Variants in NFATC1 observed in about 807,000 individuals in gnomAD.
NFATC1 encodes the protein nuclear factor of activated T cells 1.
A neutral mutation model predicts 76.0 loss-of-function variants in NFATC1; 22 were observed. That is an observed-to-expected ratio of 0.29 (90% CI 0.21 to 0.41). The LOEUF (loss-of-function observed/expected upper bound fraction) is 0.41, where lower values mean the gene tolerates loss of function less well. Ranked by LOEUF, NFATC1 falls within the 10% of genes least tolerant of loss-of-function variation. The probability of loss-of-function intolerance (pLI) is 1.00; values close to 1 mark genes in which losing one functional copy is unlikely to be tolerated. For missense variants in NFATC1, 1,357 were observed against 1,337.7 expected (o/e 1.01, Z -0.23); for synonymous variants, 704 against 613.1 (o/e 1.15, Z -2.19).
intron 1 of NFATC1, among the ~76,000 whole-genome samples, chr18:79,408,953 TC>T (rs2085538580): frequency 7.5e-6 from 1 of 133,078 alleles, no homozygotes; most frequent in Non-Finnish European, 1.6e-5. Context: ...TCATTCATCA[TC>T]CATCCATCCA....
At position 79,411,080 on chromosome 18, in the gene NFATC1, A is replaced by G. The variant is rs1200559391; in HGVS notation, c.805A>G (p.Ser269Gly). The G allele has an allele frequency of 3.1e-6, 5 of 1,611,898 alleles. No individual in the cohort carries two copies. The African/African-American group carries it at 4.0e-5, about 13-fold the overall frequency. The stretch of plus-strand genomic sequence containing the variant: ...GTCCCCTTGCAACAAGAGGAAGTAC[A>G]GCCTCAACGGCCGGCAGCCGCCCTA... ...PASPCNKRKY[S>G]LNGRQPPYSP... The change falls in exon 2 of 10, where the codon AGC (serine) becomes GGC (glycine). Residue 269 changes from serine to glycine, a missense_variant. Transcript: ENST00000427363.
At chr18:79,418,382 A>G (rs761172696) in intron 2 of NFATC1, among the ~76,000 whole-genome samples, 20 of 152,108 alleles carry the variant, frequency 1.3e-4, no homozygotes, top group Non-Finnish European at 2.9e-4. Flanking sequence ...CCCGCAACCT[A>G]CACTCCAGAC....
rs2090816713 is a variant in NFATC1 at position 79,528,137 on chromosome 18, C to G, written c.*560C>G. 2.5e-6 allele frequency: 1 copy of G among 395,462 alleles called. No individual in the cohort carries two copies. The highest frequency in any genetic ancestry group is 4.3e-5 in the Admixed American group (1 of 22,998). 24.5% of individuals were successfully genotyped at this position (395,462 alleles called of 1,614,324 possible). On this transcript the variant is annotated 3_prime_UTR_variant, in exon 10 of 10. Coordinates refer to ENST00000427363, the MANE Select transcript of NFATC1 (RefSeq NM_001278669.2). ...CGTTTCCTGGGCTGTCACGTACACT[C>G]CTGCTGCCTTACACAGTGCATTTTA...
chr18:79,519,163 C>T (rs770447900), intron 9 of NFATC1, among the ~76,000 whole-genome samples: 8 of 152,230 alleles, frequency 5.3e-5, no homozygotes, highest in African/African-American at 1.4e-4. Context: ...CACAGATCTC[C>T]GAACCATGGT....
chr18:79,396,099 T>TCCGGGGCGCGCGGCGCTGAGC lies in NFATC1; in HGVS notation c.-117_-97dup. ...CGCACACGCCCCTCGATGACTTTCC[T>TCCGGGGCGCGCGGCGCTGAGC]CCGGGGCGCGCGGCGCTGAGCCCGG... On this transcript the variant is annotated 5_prime_UTR_variant, in exon 1 of 10. Transcript: ENST00000427363. 4.4e-6 allele frequency: 5 copies of TCCGGGGCGCGCGGCGCTGAGC among 1,144,310 alleles called. No individual in the cohort carries two copies. The highest frequency in any genetic ancestry group is 5.4e-6 in the Non-Finnish European group (5 of 918,568). The allele number at this position is 1,144,310 out of a possible 1,614,324, so 70.9% of individuals were successfully genotyped here. A position where few individuals can be genotyped will look rare whatever the true frequency, so the allele number is the denominator to read the frequency against.
At chr18:79,517,222 T>G (rs1285152987) in intron 9 of NFATC1, among the ~76,000 whole-genome samples, 1 of 152,252 alleles carries the variant, frequency 6.6e-6, no homozygotes, top group East Asian at 1.9e-4. Flanking sequence ...ATTACCCTCT[T>G]AGGTTACAAG....
chr18:79,495,647 G>A (rs1401115514), intron 9 of NFATC1, among the ~76,000 whole-genome samples: 1 of 152,250 alleles, frequency 6.6e-6, no homozygotes, highest in Non-Finnish European at 1.5e-5. Context: ...CACGGCCAGT[G>A]GCAGCAAAGA....
At chr18:79,462,136 A>G (rs1224379000) in intron 7 of NFATC1, among the ~76,000 whole-genome samples, 1 of 152,000 alleles carries the variant, frequency 6.6e-6, no homozygotes, top group East Asian at 1.9e-4. Context: ...TTTTGTGTGG[A>G]TGGCTGTAGC....
intron 2 of NFATC1, among the ~76,000 whole-genome samples, chr18:79,424,733 CTCTG>C (rs1568943389): frequency 2.0e-5 from 3 of 151,760 alleles, no homozygotes; most frequent in Admixed American, 6.6e-5. Flanking sequence ...CTCTCTCCGT[CTCTG>C]TCTGTGTCTG....
At chr18:79,496,689 C>G (rs1396177150) in intron 9 of NFATC1, 1 of 152,306 alleles carries the variant, frequency 6.6e-6, no homozygotes, top group Non-Finnish European at 1.5e-5. Context: ...TGCTGAGAGA[C>G]TCACTCCTGA....
intron 9 of NFATC1, among the ~76,000 whole-genome samples, chr18:79,498,507 GAATC>G (rs1451081253): frequency 1.3e-5 from 2 of 151,788 alleles, no homozygotes; most frequent in Non-Finnish European, 2.9e-5. Context: ...AAAGAAGAAA[GAATC>G]AATAAAAATG....
Position 79,486,343 on chromosome 18 carries a change from T to C in NFATC1, c.2188T>C (p.Tyr730His). 24 of 1,613,140 alleles carry C rather than the reference T, an allele frequency of 1.5e-5. No homozygotes were observed. The highest frequency in any genetic ancestry group is 2.0e-5 in the Non-Finnish European group (24 of 1,180,008). ...QGLSPLPRPY[Y>H]SQQLAMPPDP... ...GTTAAGTCCTCTCCCAAGACCATAC[T>C]ACAGCCAGCAGCTCGCGATGCCACC... Residue 730 changes from tyrosine (Y) to histidine (H), a missense_variant, in exon 9 of 10, where the codon TAC becomes CAC. Transcript: ENST00000427363.
intron 1 of NFATC1, among the ~76,000 whole-genome samples, chr18:79,401,353 T>C (rs2085248061): frequency 6.6e-6 from 1 of 152,204 alleles, no homozygotes; most frequent in South Asian, 2.1e-4. Context: ...TTCACTACTC[T>C]CTTTTAAAAA....
At chr18:79,476,710 G>A (rs1450429688) in intron 8 of NFATC1, among the ~76,000 whole-genome samples, 1 of 152,196 alleles carries the variant, frequency 6.6e-6, no homozygotes, top group African/African-American at 2.4e-5. Context: ...ACACAGGATG[G>A]GTGTGGGGGC....
intron 8 of NFATC1, among the ~76,000 whole-genome samples, chr18:79,472,449 T>G (rs2088826182): frequency 6.6e-6 from 1 of 152,226 alleles, no homozygotes; most frequent in Non-Finnish European, 1.5e-5. Flanking sequence ...CCCAGGGGTT[T>G]CCCATTCTGC....
chr18:79,440,968 G>C (rs2086951928), intron 3 of NFATC1, among the ~76,000 whole-genome samples: 2 of 152,206 alleles, frequency 1.3e-5, no homozygotes, highest in Non-Finnish European at 2.9e-5. Flanking sequence ...GGCTGGGCTC[G>C]TGTCCGTGGA....
intron 9 of NFATC1, among the ~76,000 whole-genome samples, chr18:79,503,454 T>C (rs577068698): frequency 6.6e-6 from 1 of 152,194 alleles, no homozygotes; most frequent in Non-Finnish European, 1.5e-5. Context: ...GCAGTAATAT[T>C]ATTAAAGGGC....
chr18:79,525,657 C>T (rs1351445990), intron 9 of NFATC1, among the ~76,000 whole-genome samples: 1 of 152,178 alleles, frequency 6.6e-6, no homozygotes, highest in Non-Finnish European at 1.5e-5. Flanking sequence ...ATCATTTAGG[C>T]CTCTTTCGTC....
rs1285391176 is a variant in NFATC1 at position 79,524,373 on chromosome 18, T to G, written c.2783-3155T>G. ...GTGTGGATGGGTGGGCGGTACAGCCTCCTCTGCGGTTCGGTTGCTGTGCTG... is the reference window on the plus strand; with the variant it reads ...GTGTGGATGGGTGGGCGGTACAGCCGCCTCTGCGGTTCGGTTGCTGTGCTG... On this transcript the variant is annotated intron_variant, in intron 9 of 9. Transcript: ENST00000427363. This position sits in a 1 kb window ranked among gnomAD's most constrained non-coding sequence, Gnocchi z 7.2. 6.6e-6 allele frequency among the ~76,000 whole-genome samples: 1 copy of G among 152,196 alleles called. No homozygotes were observed. Among genetic ancestry groups the G allele is most frequent in the East Asian group, 1.9e-4 (1 of 5,192 alleles).
Sources: gnomAD v4.1 joint callset for allele counts (sites outside exome capture counted in the v4.1 genomes callset) on GRCh38, gnomAD v4.1.1 for gene constraint, Gnocchi (gnomAD v3.1) non-coding constraint, MANE v1.5 for transcripts, NCBI Gene and HGNC (gene_info 2026-07-23, HGNC 2026-07-21) for gene names.